Variants in TAF11L13 observed in about 807,000 individuals in gnomAD.
TAF11L13 encodes TATA-box binding protein associated factor 11 like 13, also known as TATA-box-binding protein-associated factor 11-like protein 13.
At chr5:17,632,321 C>G (rs898072235) in exon 1 of TAF11L13, 2 of 397,826 alleles carry the variant, frequency 5.0e-6, no homozygotes, top group Admixed American at 8.8e-5. Context: ...ATACGAAACG[C>G]AAGAAGGAGA....
chr5:17,632,175 G>C (rs1317332980), exon 1 of TAF11L13: 2 of 397,950 alleles, frequency 5.0e-6, no homozygotes, highest in Non-Finnish European at 8.9e-6. Context: ...TGGAATCCCT[G>C]AGGACCTAGA....
exon 1 of TAF11L13, chr5:17,632,621 T>C (rs554773207): frequency 4.8e-5 from 19 of 398,472 alleles, no homozygotes; most frequent in Admixed American, 2.6e-4. Flanking sequence ...TAAGGGAGGC[T>C]GTTCACAGGT....
rs1185659214 is a variant in TAF11L13 at position 17,632,219 on chromosome 5, T to A, written c.132T>A (p.Gly44=). Residue 44 remains glycine (G), a synonymous_variant, in exon 1 of 1, where the codon GGT becomes GGA. Transcript: ENST00000639073. ...TGGAAGAACCCAGGGATCAGGAAGG[T>A]GAGCTCAGGAGTGAGGATGTCATGG... 16 of 397,884 alleles carry A rather than the reference T, an allele frequency of 4.0e-5. No homozygotes were observed. In the East Asian group the frequency reaches 5.7e-4, roughly 14 times the overall value. The allele number at this position is 397,884 out of a possible 1,614,324, so 24.6% of individuals were successfully genotyped here. A position where few individuals can be genotyped will look rare whatever the true frequency, so the allele number is the denominator to read the frequency against.
At chr5:17,632,172 C>G in exon 1 of TAF11L13, 1 of 397,914 alleles carries the variant, frequency 2.5e-6, no homozygotes, top group Non-Finnish European at 4.4e-6. Flanking sequence ...GGATGGAATC[C>G]CTGAGGACCT....
chr5:17,632,650 TC>T, the TAF11L13 span: 1 of 398,272 alleles, frequency 2.5e-6, no homozygotes, highest in African/African-American at 2.1e-5. Context: ...AAGGGCCTCT[TC>T]CCCAACAGCA....
exon 1 of TAF11L13, chr5:17,632,424 C>T (rs1428424660): frequency 5.0e-6 from 2 of 398,324 alleles, no homozygotes; most frequent in Non-Finnish European, 8.9e-6. Flanking sequence ...CGAAGTGTGT[C>T]GCCGGTCAGC....
At chr5:17,632,253 G>T in the TAF11L13 span, 1 of 397,866 alleles carries the variant, frequency 2.5e-6, no homozygotes, top group Non-Finnish European at 4.4e-6. Context: ...GGACCTCACA[G>T]AAGGTGACAG....
At chr5:17,632,528 G>A in exon 1 of TAF11L13, 1 of 398,604 alleles carries the variant, frequency 2.5e-6, no homozygotes, top group Non-Finnish European at 4.4e-6. Flanking sequence ...GAATAGCCAA[G>A]GTCTTTGTTG....
In TAF11L13 at chr5:17,632,535, G is replaced by C. The variant is rs553465087; in HGVS notation, c.448G>C (p.Val150Leu). The C allele has an allele frequency of 1.1e-4, 45 of 398,556 alleles. 4 individuals carry two copies. The highest frequency in any genetic ancestry group is 1.8e-4 in the Non-Finnish European group (40 of 225,958). 24.7% of individuals were successfully genotyped at this position (398,556 alleles called of 1,614,324 possible). A position where few individuals can be genotyped will look rare whatever the true frequency, so the allele number is the denominator to read the frequency against. The stretch of plus-strand genomic sequence containing the variant: ...CATGGCTGGAATAGCCAAGGTCTTT[G>C]TTGGAGAGGTGGTGGAAGAGGCCCT... Residue 150 changes from valine to leucine, a missense_variant, in exon 1 of 1, where the codon GTT becomes CTT. Transcript: ENST00000639073.
In TAF11L13 at chr5:17,632,301, C is replaced by T. The variant is rs1323264931; in HGVS notation, c.214C>T (p.Arg72Trp). Residue 72 changes from arginine to tryptophan, a missense_variant, in exon 1 of 1, where the codon CGG becomes TGG. By Grantham distance (101) the Arg-to-Trp change is moderately radical. Coordinates refer to ENST00000639073, the Ensembl canonical transcript of TAF11L13. ...CTCAGCTCCTCCTGCAGCCAAAAGA[C>T]GGAAAACACATACGAAACGCAAGAA... 17 of 397,882 alleles carry T rather than the reference C, an allele frequency of 4.3e-5. 1 individual carries two copies. Among genetic ancestry groups the T allele is most frequent in the Non-Finnish European group, 7.1e-5 (16 of 225,650 alleles). 24.6% of individuals were successfully genotyped at this position (397,882 alleles called of 1,614,324 possible). A position where few individuals can be genotyped will look rare whatever the true frequency, so the allele number is the denominator to read the frequency against.
Position 17,632,457 on chromosome 5 carries a change from G to A in TAF11L13, c.370G>A (p.Gly124Ser), listed in dbSNP as rs532455707. 4 of 398,568 alleles carry A rather than the reference G, an allele frequency of 1.0e-5. 1 individual carries two copies. In the East Asian group the frequency reaches 1.1e-4, roughly 11 times the overall value. 24.7% of individuals were successfully genotyped at this position (398,568 alleles called of 1,614,324 possible). Residue 124 changes from glycine to serine, a missense_variant, in exon 1 of 1, where the codon GGT (glycine) becomes AGT (serine). Transcript: ENST00000639073. ...AGCTTTCCCAAGAGCACGCATTGCG[G>A]GTCTGATGCGGTCTATCACTGGCAG...
exon 1 of TAF11L13, chr5:17,632,511 A>G (rs1739711752): frequency 1.3e-5 from 5 of 398,544 alleles, no homozygotes; most frequent in Non-Finnish European, 2.2e-5. Flanking sequence ...GGCCATTGCC[A>G]TGGCTGGAAT....
At chr5:17,632,112 G>C (rs1221042486) in exon 1 of TAF11L13, 1 of 397,110 alleles carries the variant, frequency 2.5e-6, no homozygotes, top group Non-Finnish European at 4.4e-6. Context: ...GCAAACAGGC[G>C]TGTCTGCTGA....
At chr5:17,632,119 C>T in exon 1 of TAF11L13, 1 of 397,250 alleles carries the variant, frequency 2.5e-6, no homozygotes, top group Non-Finnish European at 4.4e-6. Context: ...GGCGTGTCTG[C>T]TGAGATGCTC....
At chr5:17,632,406 T>A (rs544401425) in exon 1 of TAF11L13, 2 of 398,384 alleles carry the variant, frequency 5.0e-6, no homozygotes, top group Non-Finnish European at 8.9e-6. Flanking sequence ...GGAGCAGCTG[T>A]CCCGCTACGA....
rs140697354 is a variant in TAF11L13 at position 17,632,319 on chromosome 5, C to T, written c.232C>T (p.Arg78Cys). The change falls in exon 1 of 1, where the codon CGC (arginine) becomes TGC (cysteine). Residue 78 changes from arginine (R) to cysteine (C), a missense_variant. Transcript: ENST00000639073. Reference sequence around the variant, plus strand: ...CAAAAGACGGAAAACACATACGAAACGCAAGAAGGAGAGGAAGCCCACCGT... The same window carrying T: ...CAAAAGACGGAAAACACATACGAAATGCAAGAAGGAGAGGAAGCCCACCGT... The T allele has an allele frequency of 3.5e-5, 14 of 397,828 alleles. 1 individual carries two copies. Among genetic ancestry groups the T allele is most frequent in the Admixed American group, 8.8e-5 (2 of 22,642 alleles). 24.6% of individuals were successfully genotyped at this position (397,828 alleles called of 1,614,324 possible). A position where few individuals can be genotyped will look rare whatever the true frequency, so the allele number is the denominator to read the frequency against.
chr5:17,632,098 G>A, exon 1 of TAF11L13: 1 of 396,860 alleles, frequency 2.5e-6, no homozygotes. Context: ...ATGGAGACCG[G>A]CAGGCAAACA....
chr5:17,632,379 C>T (rs1739709342), exon 1 of TAF11L13: 2 of 398,420 alleles, frequency 5.0e-6, no homozygotes, highest in Non-Finnish European at 4.4e-6. Flanking sequence ...GACAACCCTG[C>T]TGTCTGCCAT....
At chr5:17,632,272 C>T (rs1739706715) in exon 1 of TAF11L13, 2 of 397,746 alleles carry the variant, frequency 5.0e-6, no homozygotes, top group Non-Finnish European at 8.9e-6. Context: ...AGTGAGGCCT[C>T]AGCCTCAGCT....
Sources: allele counts gnomAD v4.1 joint callset, GRCh38; gene constraint gnomAD v4.1.1; transcripts MANE v1.5; gene names NCBI Gene and HGNC (gene_info 2026-07-23, HGNC 2026-07-21).